CHODL: variants seen among roughly 807,000 people sequenced by gnomAD.
The protein encoded by CHODL is chondrolectin, also known as transmembrane protein MT75.
Under a neutral mutation model 34.5 loss-of-function variants are expected in CHODL, and 29 were observed. The observed-to-expected ratio is 0.84, with a 90% CI of 0.63 to 1.15. CHODL has a LOEUF of 1.15. Among genes scored for constraint, CHODL ranks in the 50% most tolerant of loss-of-function variants. CHODL has a pLI of 0.00. For synonymous variants in CHODL, 125 were observed against 116.1 expected, an observed-to-expected ratio of 1.08 and a Z score of -0.49; for missense variants, 332 against 332.5, an observed-to-expected ratio of 1.00 and a Z score of 0.01.
intron 1 of CHODL, among the ~76,000 whole-genome samples, chr21:18,252,358 C>G (rs994717779): frequency 6.6e-6 from 1 of 152,058 alleles, no homozygotes; most frequent in African/African-American, 2.4e-5. Flanking sequence ...CAGAATGAGA[C>G]GAGAGGTAAT....
rs535467916 is a variant in CHODL at position 18,090,212 on chromosome 21, A to G, written c.-45+62241A>G. 1.4e-3 allele frequency among the ~76,000 whole-genome samples: 214 copies of G among 152,224 alleles called. 2 individuals carry two copies. Among genetic ancestry groups the G allele is most frequent in the Non-Finnish European group, 2.7e-3 (182 of 68,034 alleles). On this transcript the variant is annotated intron_variant, in intron 2 of 6. Transcript: ENST00000400127. The stretch of plus-strand genomic sequence containing the variant: ...AAACAGAAAGACAAAAACATAAAAC[A>G]TGGGCAAAACCCAAAACCAGTAGAT...
chr21:18,180,928 TAGG>T (rs1471091661), intron 2 of CHODL, among the ~76,000 whole-genome samples: 2 of 152,220 alleles, frequency 1.3e-5, no homozygotes, highest in Non-Finnish European at 2.9e-5. Flanking sequence ...AGAGGATTGT[TAGG>T]AGTATTAAAT....
chr21:17,998,786 C>T (rs1464812736), intron 1 of CHODL, among the ~76,000 whole-genome samples: 11 of 152,168 alleles, frequency 7.2e-5, no homozygotes. Flanking sequence ...CTTGGGGACC[C>T]CGGGCCCAGC....
At chr21:18,153,457 T>C (rs2072995653) in intron 2 of CHODL, among the ~76,000 whole-genome samples, 1 of 152,208 alleles carries the variant, frequency 6.6e-6, no homozygotes, top group South Asian at 2.1e-4. Flanking sequence ...ATGCTTCAAA[T>C]ATCTTTGACC....
At chr21:18,050,074 T>C (rs1167660864) in intron 2 of CHODL, among the ~76,000 whole-genome samples, 1 of 151,892 alleles carries the variant, frequency 6.6e-6, no homozygotes, top group Non-Finnish European at 1.5e-5. Context: ...TGATAATTGC[T>C]GTGAAGGCAG....
At chr21:18,057,828 A>T (rs551095501) in intron 2 of CHODL, among the ~76,000 whole-genome samples, 6 of 151,798 alleles carry the variant, frequency 4.0e-5, no homozygotes, top group African/African-American at 1.5e-4. Context: ...TTTTTTCTTT[A>T]AAAAAAACTT....
chr21:18,199,082 T>G (rs1250617232), intron 2 of CHODL, among the ~76,000 whole-genome samples: 1 of 152,124 alleles, frequency 6.6e-6, no homozygotes, highest in Non-Finnish European at 1.5e-5. Flanking sequence ...AAAATGCTAA[T>G]AAGTTTACAT....
chr21:18,014,350 C>T (rs531166473), intron 1 of CHODL, among the ~76,000 whole-genome samples: 1 of 152,284 alleles, frequency 6.6e-6, no homozygotes, highest in South Asian at 2.1e-4. Flanking sequence ...AGCTGGAGGC[C>T]ACAGTCCTAA....
intron 2 of CHODL, among the ~76,000 whole-genome samples, chr21:18,194,744 C>T (rs73316223): frequency 0.012 from 1,860 of 152,080 alleles, 36 homozygotes; most frequent in African/African-American, 0.041. Flanking sequence ...ACCTTACATA[C>T]TTATCATTTT....
At chr21:18,043,629 T>C (rs1037079571) in intron 2 of CHODL, among the ~76,000 whole-genome samples, 1 of 151,898 alleles carries the variant, frequency 6.6e-6, no homozygotes, top group Non-Finnish European at 1.5e-5. Flanking sequence ...GAGAAACACT[T>C]CTATTCTTTC....
chr21:18,011,404 C>A lies in CHODL; in HGVS notation c.-144-16468C>A, dbSNP rs550448550. On this transcript the variant is annotated intron_variant, in intron 1 of 6. Transcript: ENST00000400127. ...TGGGAGATAAATGAGTATTTTAAAG[C>A]AAAATCTGAAGCTTGGGTTTTGAAG... Among the ~76,000 whole-genome samples the A allele has an allele frequency of 2.0e-5, 3 of 152,196 alleles. No homozygotes were observed. The East Asian group carries it at 5.8e-4, about 29-fold the overall frequency.
At chr21:17,988,435 A>T (rs1378968601) in intron 1 of CHODL, among the ~76,000 whole-genome samples, 2 of 135,706 alleles carry the variant, frequency 1.5e-5, no homozygotes, top group Non-Finnish European at 3.1e-5. Flanking sequence ...TTTAGGGTAC[A>T]TGTGCACAAT....
intron 1 of CHODL, among the ~76,000 whole-genome samples, chr21:17,971,417 A>T (rs562848888): frequency 3.0e-4 from 46 of 152,216 alleles, no homozygotes; most frequent in African/African-American, 1.1e-3. Flanking sequence ...CTTTTTAATG[A>T]TCGCCATTCT....
chr21:18,192,492 G>T, intron 2 of CHODL, among the ~76,000 whole-genome samples: 1 of 152,128 alleles, frequency 6.6e-6, no homozygotes, highest in East Asian at 1.9e-4. Flanking sequence ...AAAGGCAAAA[G>T]TCCTATCTTT....
At chr21:17,956,014 C>T (rs184546457) in intron 1 of CHODL, among the ~76,000 whole-genome samples, 1 of 136,724 alleles carries the variant, frequency 7.3e-6, no homozygotes, top group African/African-American at 2.5e-5. Context: ...GGAGTCTTTT[C>T]ATATGTTCTA....
At chr21:18,256,405 G>T in intron 1 of CHODL, 104 bp from the exon 2 acceptor site, 1 of 1,054,724 alleles carries the variant, frequency 9.5e-7, no homozygotes, top group Non-Finnish European at 1.4e-6. Context: ...AGCATTTCTG[G>T]TAATGTATTT....
chr21:18,050,120 G>T (rs2064495438), intron 2 of CHODL, among the ~76,000 whole-genome samples: 1 of 151,830 alleles, frequency 6.6e-6, no homozygotes. Context: ...AAGGAGTGAG[G>T]GTGGGAGAAA....
chr21:18,191,163 T>C (rs1162282756), intron 2 of CHODL, among the ~76,000 whole-genome samples: 2 of 152,200 alleles, frequency 1.3e-5, no homozygotes, highest in Admixed American at 6.5e-5. Context: ...TAATTTGTAT[T>C]AATTAATTTT....
At chr21:18,211,249 A>C (rs1337942500) in intron 2 of CHODL, among the ~76,000 whole-genome samples, 1 of 151,848 alleles carries the variant, frequency 6.6e-6, no homozygotes, top group Non-Finnish European at 1.5e-5. Context: ...ATGTGTTTTA[A>C]TTACATAGTC....
Sources: allele counts gnomAD v4.1 joint callset (sites outside exome capture counted in the v4.1 genomes callset), GRCh38; gene constraint gnomAD v4.1.1; transcripts MANE v1.5; gene names NCBI Gene and HGNC (gene_info 2026-07-23, HGNC 2026-07-21).